The following ALDH3B2 variants were observed in gnomAD, a reference collection of about 807,000 sequenced individuals.
The protein encoded by ALDH3B2 is aldehyde dehydrogenase 3 family member B2, also known as aldehyde dehydrogenase family 3 member B2.
ALDH3B2 carries 45 observed loss-of-function variants against 36.7 expected under a neutral mutation model. The ratio of observed to expected loss-of-function variants is 1.23; its 90% CI spans 0.97 to 1.57. ALDH3B2 has a LOEUF of 1.57. ALDH3B2 is among the 40% of genes most tolerant of loss of function. The pLI is 0.00. For synonymous variants in ALDH3B2, 217 were observed against 226.5 expected (o/e 0.96, Z 0.38); for missense variants, 464 against 513.3 (o/e 0.90, Z 0.93).
intron 1 of ALDH3B2, among the ~76,000 whole-genome samples, chr11:67,679,746 C>T (rs1049189691): frequency 6.6e-6 from 1 of 151,750 alleles, no homozygotes; most frequent in Non-Finnish European, 1.5e-5. Flanking sequence ...GAAGGCACAC[C>T]ATTCCCATCA....
At chr11:67,668,572 CTGTG>C (rs1324379999) in intron 1 of ALDH3B2, among the ~76,000 whole-genome samples, 2 of 151,704 alleles carry the variant, frequency 1.3e-5, no homozygotes, top group Admixed American at 6.6e-5. Context: ...ATCCGTGTGT[CTGTG>C]TGTTTCTTTG....
exon 3 of ALDH3B2, chr11:67,666,929 C>CCTT: frequency 6.2e-7 from 1 of 1,614,200 alleles, no homozygotes; most frequent in Non-Finnish European, 8.5e-7. Context: ...CGTGGTTCAT[C>CCTT]CTTCATCCAG....
intron 1 of ALDH3B2, among the ~76,000 whole-genome samples, chr11:67,672,544 T>TC (rs1347604143): frequency 1.3e-5 from 2 of 151,850 alleles, no homozygotes; most frequent in Admixed American, 1.3e-4. Flanking sequence ...TGTCAGGACA[T>TC]CCCCAGGCTG....
intron 8 of ALDH3B2, 65 bp from the exon 9 acceptor site, chr11:67,663,826 A>G: frequency 7.1e-7 from 1 of 1,410,974 alleles, no homozygotes; most frequent in Admixed American, 2.0e-5. Flanking sequence ...AGCCCCGCAC[A>G]TTCCACAGCG....
chr11:67,669,064 G>A (rs1856002787), intron 1 of ALDH3B2, among the ~76,000 whole-genome samples: 1 of 149,190 alleles, frequency 6.7e-6, no homozygotes, highest in South Asian at 2.2e-4. Flanking sequence ...TGCGTGTATG[G>A]GTGTCTGTGT....
At chr11:67,676,011 C>T (rs757371164), upstream of ALDH3B2, among the ~76,000 whole-genome samples, 3 of 152,058 alleles carry the variant, frequency 2.0e-5, no homozygotes, top group Non-Finnish European at 4.4e-5. Flanking sequence ...TTTGGGAGGC[C>T]GAAGCTGGTG....
At chr11:67,679,836 C>T (rs1856338640) in intron 1 of ALDH3B2, among the ~76,000 whole-genome samples, 1 of 152,096 alleles carries the variant, frequency 6.6e-6, no homozygotes, top group South Asian at 2.1e-4. Context: ...GTATAATAAG[C>T]CTAAAACTTA....
At chr11:67,665,247 T>C in intron 7 of ALDH3B2, 38 bp downstream of exon 7, 1 of 1,564,432 alleles carries the variant, frequency 6.4e-7, no homozygotes, top group Non-Finnish European at 8.7e-7. Context: ...AGAAAGGGTC[T>C]TGGCCCAGGT....
intron 7 of ALDH3B2, among the ~76,000 whole-genome samples, chr11:67,665,007 C>T (rs570497431): frequency 3.9e-5 from 6 of 152,260 alleles, no homozygotes; most frequent in African/African-American, 1.2e-4. Flanking sequence ...TCAGGACAGC[C>T]GGTGGTGGGA....
At position 67,666,360 on chromosome 11, in the gene ALDH3B2, T is replaced by C. The variant is rs1442714705; in HGVS notation, c.193A>G (p.Thr65Ala). The change falls in exon 5 of 10, where the codon ACA (threonine) becomes GCA (alanine). Residue 65 changes from threonine (T) to alanine (A), a missense_variant. By Grantham distance (58) the Thr-to-Ala change is moderately conservative (BLOSUM62 0). Transcript: ENST00000349015. Reference sequence around the variant, plus strand: ...AGCACCTCAGCCAGGACCTTCTCTGTGCCCTGGCTGATTTCTGACGGCTTC... The same window carrying C: ...AGCACCTCAGCCAGGACCTTCTCTGCGCCCTGGCTGATTTCTGACGGCTTC... 1.9e-6 allele frequency: 3 copies of C among 1,605,930 alleles called. No homozygotes were observed. Among genetic ancestry groups the C allele is most frequent in the East Asian group, 4.5e-5 (2 of 44,390 alleles).
At chr11:67,668,286 G>A (rs537612991) in intron 1 of ALDH3B2, among the ~76,000 whole-genome samples, 1 of 152,284 alleles carries the variant, frequency 6.6e-6, no homozygotes, top group South Asian at 2.1e-4. Flanking sequence ...GTATGGGTGG[G>A]CACAGGTGCA....
Position 67,666,217 on chromosome 11 carries a change from T to G in ALDH3B2, c.238-14A>C. 2.5e-6 allele frequency: 4 copies of G among 1,593,566 alleles called. No homozygotes were observed. The highest frequency in any genetic ancestry group is 3.3e-4 in the Middle Eastern group (2 of 6,024). ...GGCAAAGCAGCTCTGCAAGGTGGAA[T>G]GAGAGGCTCGGGGCGGGCTCGGGGC... is the stretch of plus-strand genomic sequence containing the variant. On this transcript the variant is annotated splice_polypyrimidine_tract_variant and intron_variant, in intron 5 of 9. Coordinates refer to ENST00000349015, the Ensembl canonical transcript of ALDH3B2.
intron 6 of ALDH3B2, 60 bp downstream of exon 6, chr11:67,666,062 C>T (rs1855898048): frequency 1.3e-6 from 2 of 1,587,542 alleles, no homozygotes; most frequent in Non-Finnish European, 1.7e-6. Flanking sequence ...CACAACCCTC[C>T]CACCCTCTCT....
intron 3 of ALDH3B2, 43 bp downstream of exon 3, chr11:67,666,862 CG>C: frequency 6.2e-7 from 1 of 1,613,992 alleles, no homozygotes; most frequent in South Asian, 1.1e-5. Context: ...CAGAGCTACC[CG>C]GTGCCCTGCC....
intron 2 of ALDH3B2, 124 bp from the exon 3 acceptor site, chr11:67,667,140 G>A: frequency 3.2e-6 from 2 of 618,348 alleles, no homozygotes; most frequent in Middle Eastern, 3.8e-4. Flanking sequence ...CCTATGGGAG[G>A]CACTGCCGTC....
upstream of ALDH3B2, among the ~76,000 whole-genome samples, chr11:67,678,186 T>C (rs1440268973): frequency 2.6e-5 from 4 of 152,142 alleles, no homozygotes; most frequent in African/African-American, 7.2e-5. Flanking sequence ...AGAACAAATC[T>C]GGAGGCATCA....
chr11:67,679,030 G>T (rs1591151826), upstream of ALDH3B2, among the ~76,000 whole-genome samples: 1 of 152,120 alleles, frequency 6.6e-6, no homozygotes, highest in Non-Finnish European at 1.5e-5. Flanking sequence ...GGAGGGAAGA[G>T]TGGGAAGGGG....
At chr11:67,667,381 G>A (rs1855949918) in intron 2 of ALDH3B2, 92 bp downstream of exon 2, 1 of 353,080 alleles carries the variant, frequency 2.8e-6, no homozygotes. Context: ...TAAAACTAGG[G>A]ACATAGCCAG....
At chr11:67,677,655 G>A (rs776107975), upstream of ALDH3B2, among the ~76,000 whole-genome samples, 1 of 152,142 alleles carries the variant, frequency 6.6e-6, no homozygotes, top group Non-Finnish European at 1.5e-5. Flanking sequence ...TAAAGAGGAA[G>A]TCAAACTGTC....
Sources: gnomAD v4.1 joint callset for allele counts (sites outside exome capture counted in the v4.1 genomes callset) on GRCh38, gnomAD v4.1.1 for gene constraint, MANE v1.5 for transcripts, NCBI Gene and HGNC (gene_info 2026-07-23, HGNC 2026-07-21) for gene names.